The following PCDHA3 variants were observed in gnomAD, a reference collection of about 807,000 sequenced individuals.
PCDHA3 encodes protocadherin alpha 3, also known as protocadherin alpha-3.
PCDHA3 carries 41 observed loss-of-function variants against 62.2 expected under a neutral mutation model. That is an observed-to-expected ratio of 0.66 (90% CI 0.51 to 0.86). The LOEUF (loss-of-function observed/expected upper bound fraction) is 0.86, where lower values mean the gene tolerates loss of function less well. PCDHA3 is among the 40% of genes least tolerant of loss of function. The pLI is 0.00. For synonymous variants in PCDHA3, 640 were observed against 555.4 expected (o/e 1.15, Z -2.14); for missense variants, 1,304 against 1,241.2 (o/e 1.05, Z -0.76).
intron 1 of PCDHA3, chr5:140,836,266 C>A: frequency 6.2e-7 from 1 of 1,613,806 alleles, no homozygotes. Context: ...GGGCTGTACA[C>A]TGGTGAGATC....
chr5:140,967,665 C>T (rs782126222), intron 1 of PCDHA3: 23 of 1,614,036 alleles, frequency 1.4e-5, no homozygotes, highest in East Asian at 2.2e-5. Context: ...AGCAGCTACA[C>T]GTCGGACCGG....
At position 141,011,612 on chromosome 5, in the gene PCDHA3, G is replaced by A. The variant is rs1031311936; in HGVS notation, c.*1675G>A. 11 of 153,524 alleles carry A rather than the reference G, an allele frequency of 7.2e-5. No individual in the cohort carries two copies. The highest frequency in any genetic ancestry group is 1.6e-4 in the Non-Finnish European group (11 of 67,990). 9.5% of individuals were successfully genotyped at this position (153,524 alleles called of 1,614,324 possible). A position where few individuals can be genotyped will look rare whatever the true frequency, so the allele number is the denominator to read the frequency against. On this transcript the variant is annotated 3_prime_UTR_variant, in exon 4 of 4. Coordinates refer to ENST00000522353, the MANE Select transcript of PCDHA3 (RefSeq NM_018906.3). ...TGGTGATTCAAGGAATTTTATTTAT[G>A]GTCCAGCCAAGAGCCATCTCGTGCC...
At chr5:140,828,700 G>C (rs2150158039) in intron 1 of PCDHA3, 1 of 1,614,210 alleles carries the variant, frequency 6.2e-7, no homozygotes, top group South Asian at 1.1e-5. Flanking sequence ...TGGACAGAGA[G>C]GAAGCTCCTG....
At chr5:140,872,095 C>G (rs2053482377) in intron 1 of PCDHA3, among the ~76,000 whole-genome samples, 1 of 152,150 alleles carries the variant, frequency 6.6e-6, no homozygotes, top group African/African-American at 2.4e-5. Context: ...GCACTTAGTC[C>G]ATTGGCTTTC....
intron 1 of PCDHA3, among the ~76,000 whole-genome samples, chr5:140,975,638 C>T (rs1256768090): frequency 6.6e-6 from 1 of 152,130 alleles, no homozygotes; most frequent in Non-Finnish European, 1.5e-5. Context: ...ACGAAGATAG[C>T]ATATTATTTC....
intron 1 of PCDHA3, among the ~76,000 whole-genome samples, chr5:140,954,144 A>G (rs560378033): frequency 2.0e-5 from 3 of 152,232 alleles, no homozygotes; most frequent in Non-Finnish European, 4.4e-5. Flanking sequence ...ATAGTATTCC[A>G]TGGTGTATAT....
At chr5:140,808,530 T>G in intron 1 of PCDHA3, 1 of 1,614,148 alleles carries the variant, frequency 6.2e-7, no homozygotes, top group East Asian at 2.2e-5. Flanking sequence ...GTGGCTGATG[T>G]GAACGACAAC....
intron 1 of PCDHA3, among the ~76,000 whole-genome samples, chr5:140,912,858 A>G (rs1554195572): frequency 6.6e-6 from 1 of 152,192 alleles, no homozygotes; most frequent in East Asian, 1.9e-4. Context: ...ATCAATTGAA[A>G]TGATATATGG....
chr5:140,892,993 C>T (rs2063771968), intron 1 of PCDHA3, among the ~76,000 whole-genome samples: 1 of 152,170 alleles, frequency 6.6e-6, no homozygotes, highest in Non-Finnish European at 1.5e-5. Flanking sequence ...TAAGTGAGAA[C>T]ATGTATTTAT....
At chr5:140,962,747 G>A (rs1385433172) in intron 1 of PCDHA3, among the ~76,000 whole-genome samples, 1 of 152,142 alleles carries the variant, frequency 6.6e-6, no homozygotes, top group Non-Finnish European at 1.5e-5. Flanking sequence ...ATGAAGATCA[G>A]GAATCCTATT....
At position 140,879,699 on chromosome 5, in the gene PCDHA3, A is replaced by G. The variant is rs952913043; in HGVS notation, c.2394+76108A>G. Among the ~76,000 whole-genome samples the G allele has an allele frequency of 2.6e-5, 4 of 152,218 alleles. No individual in the cohort carries two copies. In the South Asian group the frequency reaches 8.3e-4, roughly 32 times the overall value. The stretch of plus-strand genomic sequence containing the variant: ...TGCTGTAAAACAGCAAAAGTTTATT[A>G]TTTCTCAGTATTGGAGACCAGAAGT... On this transcript the variant is annotated intron_variant, in intron 1 of 3. Coordinates refer to ENST00000522353, the MANE Select transcript of PCDHA3 (RefSeq NM_018906.3).
chr5:140,887,941 A>C (rs529131971), intron 1 of PCDHA3, among the ~76,000 whole-genome samples: 25 of 152,194 alleles, frequency 1.6e-4, no homozygotes, highest in Admixed American at 7.8e-4. Flanking sequence ...TTTATTTCTT[A>C]TCTGTATAAG....
At chr5:140,803,986 T>G in intron 1 of PCDHA3, 1 of 286,642 alleles carries the variant, frequency 3.5e-6, no homozygotes, top group Non-Finnish European at 6.5e-6. Context: ...GACTTCCTAC[T>G]ACCTGTTAGT....
At chr5:140,928,830 TTCC>T in intron 1 of PCDHA3, 1 of 1,614,124 alleles carries the variant, frequency 6.2e-7, no homozygotes, top group Non-Finnish European at 8.5e-7. Flanking sequence ...ACCCACCACT[TTCC>T]TCCTCTGTCA....
chr5:140,884,433 G>T, intron 1 of PCDHA3: 1 of 1,613,908 alleles, frequency 6.2e-7, no homozygotes, highest in Admixed American at 1.7e-5. Context: ...ACTGCGCTGC[G>T]GTGCTCGGCA....
intron 1 of PCDHA3, among the ~76,000 whole-genome samples, chr5:140,959,390 A>G (rs1554224055): frequency 6.6e-6 from 1 of 152,146 alleles, no homozygotes; most frequent in African/African-American, 2.4e-5. Context: ...AAAAGTCACA[A>G]ATTAAGATAA....
rs375771604 is a variant in PCDHA3, at chr5:140,876,994, G to A, written c.2394+73403G>A. ...GGGCGAGCACGCACTGTCGAGCTAC[G>A]TGTCGGTGCACGCGGAGAGCGGCAA... On this transcript the variant is annotated intron_variant, in intron 1 of 3. Transcript: ENST00000522353. The A allele has an allele frequency of 5.6e-6, 9 of 1,612,502 alleles. No individual in the cohort carries two copies. The highest frequency in any genetic ancestry group is 5.0e-5 in the Admixed American group (3 of 59,998).
At chr5:140,827,455 G>C (rs1173734499) in intron 1 of PCDHA3, among the ~76,000 whole-genome samples, 1 of 152,188 alleles carries the variant, frequency 6.6e-6, no homozygotes, top group African/African-American at 2.4e-5. Flanking sequence ...AGAACCTTAA[G>C]AGCATCTGAT....
At chr5:140,963,531 TTTAC>T (rs1391697303) in intron 1 of PCDHA3, among the ~76,000 whole-genome samples, 2 of 152,218 alleles carry the variant, frequency 1.3e-5, no homozygotes, top group African/African-American at 4.8e-5. Flanking sequence ...AGAAGTCCCA[TTTAC>T]TTCATGATAT....
Sources: gnomAD v4.1 joint callset for allele counts (sites outside exome capture counted in the v4.1 genomes callset) on GRCh38, gnomAD v4.1.1 for gene constraint, MANE v1.5 for transcripts, NCBI Gene and HGNC (gene_info 2026-07-23, HGNC 2026-07-21) for gene names.